EPHA6: variants seen among roughly 807,000 people sequenced by gnomAD.
EPHA6 encodes the protein ephrin type-A receptor 6.
EPHA6 carries 50 observed loss-of-function variants against 112.0 expected under a neutral mutation model. That is an observed-to-expected ratio of 0.45 (90% confidence interval 0.36 to 0.56). The LOEUF is 0.56. Among genes scored for constraint, EPHA6 ranks in the 20% least tolerant of loss-of-function variants. EPHA6 has a pLI of 0.00. For missense variants in EPHA6, 1,280 were observed against 1,417.4 expected, an observed-to-expected ratio of 0.90 and a Z score of 1.56; for synonymous variants, 529 against 490.7, an observed-to-expected ratio of 1.08 and a Z score of -1.03.
intron 2 of EPHA6, among the ~76,000 whole-genome samples, chr3:96,871,613 A>G (rs571522118): frequency 2.6e-5 from 4 of 152,076 alleles, no homozygotes; most frequent in Non-Finnish European, 4.4e-5. Flanking sequence ...TAAATAAAAT[A>G]TACATGTACA....
At chr3:97,641,732 C>G (rs969100767) in intron 14 of EPHA6, among the ~76,000 whole-genome samples, 2 of 152,204 alleles carry the variant, frequency 1.3e-5, no homozygotes, top group Non-Finnish European at 2.9e-5. Context: ...CTTTTCAGAC[C>G]GGCTTAAAAA....
chr3:97,288,497 C>G (rs2080555123), intron 5 of EPHA6, among the ~76,000 whole-genome samples: 1 of 152,148 alleles, frequency 6.6e-6, no homozygotes, highest in Non-Finnish European at 1.5e-5. Context: ...TATGAGCACC[C>G]AAGCTGATAC....
chr3:97,001,474 T>A (rs186178690), intron 3 of EPHA6, among the ~76,000 whole-genome samples: 1 of 152,056 alleles, frequency 6.6e-6, no homozygotes, highest in African/African-American at 2.4e-5. Flanking sequence ...CATGTGGCCT[T>A]TTTAGGAAAT....
intron 10 of EPHA6, among the ~76,000 whole-genome samples, chr3:97,511,365 G>A (rs183706715): frequency 1.6e-3 from 237 of 152,324 alleles, no homozygotes; most frequent in African/African-American, 5.4e-3. Flanking sequence ...TGGGAAAAGT[G>A]TAGTGTCTGG....
At chr3:97,079,904 T>G (rs2046667274) in intron 3 of EPHA6, among the ~76,000 whole-genome samples, 1 of 152,040 alleles carries the variant, frequency 6.6e-6, no homozygotes, top group Admixed American at 6.6e-5. Flanking sequence ...TGTTAGGTTT[T>G]TTTTTTTTTT....
intron 3 of EPHA6, among the ~76,000 whole-genome samples, chr3:97,118,711 A>G (rs1357363929): frequency 6.6e-6 from 1 of 151,922 alleles, no homozygotes; most frequent in Admixed American, 6.6e-5. Flanking sequence ...AGTACCCATG[A>G]TCTTGGGAAA....
At chr3:96,947,770 C>T (rs1008491880) in intron 2 of EPHA6, among the ~76,000 whole-genome samples, 4 of 152,196 alleles carry the variant, frequency 2.6e-5, no homozygotes, top group African/African-American at 9.6e-5. Flanking sequence ...AATGGAAGAA[C>T]ATTCCATGCT....
intron 3 of EPHA6, among the ~76,000 whole-genome samples, chr3:97,122,556 G>A (rs1215415746): frequency 2.6e-5 from 4 of 151,852 alleles, no homozygotes; most frequent in Non-Finnish European, 5.9e-5. Flanking sequence ...AAATATCTCT[G>A]GGCCAATAAA....
chr3:97,534,483 A>G (rs1262123775), intron 11 of EPHA6, among the ~76,000 whole-genome samples: 1 of 112,078 alleles, frequency 8.9e-6, no homozygotes, highest in East Asian at 2.7e-4. Context: ...TGCTTTTGCT[A>G]TATCCCTTTG....
At chr3:96,901,584 C>T (rs1166139525) in intron 2 of EPHA6, among the ~76,000 whole-genome samples, 1 of 151,858 alleles carries the variant, frequency 6.6e-6, no homozygotes, top group Non-Finnish European at 1.5e-5. Context: ...AATAAAATTA[C>T]ATAATGTATA....
At chr3:97,716,913 C>T (rs2107782306) in intron 14 of EPHA6, among the ~76,000 whole-genome samples, 1 of 151,942 alleles carries the variant, frequency 6.6e-6, no homozygotes, top group Non-Finnish European at 1.5e-5. Flanking sequence ...TCATACTTTC[C>T]ATTTAAAGAC....
intron 16 of EPHA6, among the ~76,000 whole-genome samples, chr3:97,744,098 A>G (rs1357218612): frequency 6.6e-6 from 1 of 152,008 alleles, no homozygotes; most frequent in East Asian, 1.9e-4. Context: ...CCTATACTCC[A>G]GCCCTTTCTA....
chr3:97,220,235 G>C (rs1469525746), intron 3 of EPHA6, among the ~76,000 whole-genome samples: 2 of 151,986 alleles, frequency 1.3e-5, no homozygotes, highest in East Asian at 3.9e-4. Flanking sequence ...GTCTTCTTCT[G>C]AGCCCTCCAG....
chr3:97,269,296 T>C (rs1459576118), intron 5 of EPHA6, among the ~76,000 whole-genome samples: 2 of 152,216 alleles, frequency 1.3e-5, no homozygotes, highest in African/African-American at 4.8e-5. Flanking sequence ...TTTACTTTCT[T>C]CTTCTCCATT....
chr3:97,281,228 TGCGC>T (rs375427847), intron 5 of EPHA6, among the ~76,000 whole-genome samples: 9 of 93,346 alleles, frequency 9.6e-5, no homozygotes, highest in African/African-American at 5.4e-4. Flanking sequence ...TGTGTGTGTG[TGCGC>T]GCGTGTGTGC....
At chr3:97,290,738 G>A (rs745832226) in intron 5 of EPHA6, among the ~76,000 whole-genome samples, 12 of 151,388 alleles carry the variant, frequency 7.9e-5, no homozygotes, top group Non-Finnish European at 1.3e-4. Flanking sequence ...CTCCTTTTTC[G>A]CTACCCATTC....
At chr3:97,330,776 G>C (rs1298694355) in intron 5 of EPHA6, among the ~76,000 whole-genome samples, 1 of 152,070 alleles carries the variant, frequency 6.6e-6, no homozygotes, top group Non-Finnish European at 1.5e-5. Context: ...AAGTGACTTA[G>C]ACTCCCAAAG....
intron 2 of EPHA6, among the ~76,000 whole-genome samples, chr3:96,913,964 A>C (rs2107610139): frequency 6.6e-6 from 1 of 152,272 alleles, no homozygotes; most frequent in South Asian, 2.1e-4. Context: ...TTCAAAAAAT[A>C]ATGTCTATAT....
intron 6 of EPHA6, among the ~76,000 whole-genome samples, chr3:97,411,452 A>G (rs1449260698): frequency 2.0e-5 from 3 of 152,122 alleles, no homozygotes; most frequent in Admixed American, 1.3e-4. Context: ...CTATACCTCT[A>G]AAGTGTCTCC....
Sources: allele counts gnomAD v4.1 joint callset (sites outside exome capture counted in the v4.1 genomes callset), GRCh38; gene constraint gnomAD v4.1.1; transcripts MANE v1.5; gene names NCBI Gene and HGNC (gene_info 2026-07-23, HGNC 2026-07-21).